The following DCLK1 variants were observed in gnomAD, a reference collection of about 807,000 sequenced individuals.
DCLK1 encodes the protein doublecortin like kinase 1, also known as serine/threonine-protein kinase DCLK1.
In DCLK1, 16 loss-of-function variants were observed where a neutral mutation model predicts 86.2. The observed-to-expected ratio is 0.19, with a 90% confidence interval of 0.13 to 0.28. DCLK1 has a LOEUF of 0.28. DCLK1 is among the 10% of genes least tolerant of loss of function. The pLI is 1.00. For synonymous variants in DCLK1, 369 were observed against 370.5 expected (o/e 1.00, Z 0.05); for missense variants, 590 against 940.2 (o/e 0.63, Z 4.87).
At chr13:35,861,199 A>C (rs943655864) in intron 5 of DCLK1, among the ~76,000 whole-genome samples, 5 of 152,202 alleles carry the variant, frequency 3.3e-5, no homozygotes, top group Non-Finnish European at 7.3e-5. Flanking sequence ...GAGTGTGGAC[A>C]GGGTGGAGAG....
intron 3 of DCLK1, among the ~76,000 whole-genome samples, chr13:35,956,327 C>T (rs1877972967): frequency 6.6e-6 from 1 of 152,120 alleles, no homozygotes; most frequent in Admixed American, 6.6e-5. Context: ...AACTTATATT[C>T]TATTGCTGAG....
intron 6 of DCLK1, among the ~76,000 whole-genome samples, chr13:35,844,811 C>T (rs987768698): frequency 5.9e-5 from 9 of 152,096 alleles, no homozygotes; most frequent in Admixed American, 2.0e-4. Context: ...TTATATTTTG[C>T]TGTGATCATT....
Position 36,131,373 on chromosome 13 carries a change from G to GGGCGGCGGCGGCGGC in DCLK1, c.-280_-279insGCCGCCGCCGCCGCC. The GGGCGGCGGCGGCGGC allele has an allele frequency of 5.1e-6, 1 of 195,008 alleles. No homozygotes were observed. The highest frequency in any genetic ancestry group is 1.0e-5 in the Non-Finnish European group (1 of 98,766). 12.1% of individuals were successfully genotyped at this position (195,008 alleles called of 1,614,324 possible). A position where few individuals can be genotyped will look rare whatever the true frequency, so the allele number is the denominator to read the frequency against. ...CACTCCAGCCTCTCTCTCCAGAGGA[G>GGGCGGCGGCGGCGGC]GGCGGCGGCGGCGGCGGCGGCGGGC... On this transcript the variant is annotated 5_prime_UTR_variant, in exon 1 of 17. Transcript: ENST00000360631.
At chr13:35,819,457 T>C (rs1447972900) in intron 11 of DCLK1, among the ~76,000 whole-genome samples, 1 of 152,198 alleles carries the variant, frequency 6.6e-6, no homozygotes, top group Non-Finnish European at 1.5e-5. Context: ...CTGTGTACAA[T>C]GAAATCTATA....
chr13:36,035,495 T>G (rs74938936), intron 3 of DCLK1, among the ~76,000 whole-genome samples: 5,582 of 152,252 alleles, frequency 0.037, 145 homozygotes, highest in African/African-American at 0.08. Context: ...TCCAAATAAT[T>G]TAAAGCTTGA....
intron 3 of DCLK1, among the ~76,000 whole-genome samples, chr13:35,954,758 A>T (rs900243967): frequency 6.6e-6 from 1 of 152,116 alleles, no homozygotes; most frequent in African/African-American, 2.4e-5. Context: ...TAGTTAAATA[A>T]TAATAATTAA....
In DCLK1 at chr13:35,979,786, C is replaced by T. The variant is rs186313473; in HGVS notation, c.724-32329G>A. Among the ~76,000 whole-genome samples the T allele has an allele frequency of 4.6e-5, 7 of 152,238 alleles. No homozygotes were observed. The East Asian group carries it at 7.7e-4, about 17-fold the overall frequency. ...AAGGGCTGAAAATGACCTTTGTCTC[C>T]GCAAAGGCAACCACATGCAGGCGGC... On this transcript the variant is annotated intron_variant, in intron 3 of 16. Transcript: ENST00000360631.
chr13:35,947,018 TG>T (rs1455117620), intron 4 of DCLK1, among the ~76,000 whole-genome samples: 1 of 152,110 alleles, frequency 6.6e-6, no homozygotes, highest in Admixed American at 6.6e-5. Flanking sequence ...AATTATTTTA[TG>T]ATGACAAATC....
chr13:35,786,147 G>C (rs1221046757), intron 16 of DCLK1, among the ~76,000 whole-genome samples: 3 of 152,184 alleles, frequency 2.0e-5, no homozygotes, highest in Non-Finnish European at 4.4e-5. Flanking sequence ...TAGGATTTTA[G>C]TTAAATGGCC....
At chr13:35,787,919 C>T in intron 16 of DCLK1, 1 of 384,790 alleles carries the variant, frequency 2.6e-6, no homozygotes, top group Non-Finnish European at 4.9e-6. Flanking sequence ...TTAGCAACGT[C>T]AGGAAAATGC....
Position 35,779,698 on chromosome 13 carries a change from A to T in DCLK1, c.2059-4999T>A, listed in dbSNP as rs192359307. Among the ~76,000 whole-genome samples the T allele has an allele frequency of 4.1e-3, 624 of 152,342 alleles. 2 individuals carry two copies. Among genetic ancestry groups the T allele is most frequent in the African/African-American group, 0.014 (602 of 41,570 alleles). On this transcript the variant is annotated intron_variant, in intron 16 of 16. Coordinates refer to ENST00000360631, the MANE Select transcript of DCLK1 (RefSeq NM_001330071.2). ...ATGACCAAATTCTTATGTCAGATAA[A>T]GTTAAAATTCTCTTATGAATTCACT...
chr13:35,827,604 T>C lies in DCLK1; in HGVS notation c.1407+31A>G, dbSNP rs756964485. The C allele has an allele frequency of 2.5e-6, 4 of 1,612,714 alleles. No homozygotes were observed. The African/African-American group carries it at 5.3e-5, about 22-fold the overall frequency. ...ATATAGGCAAGTGCGGTGCCATCAA[T>C]AAAGACTTACTTTCTTTCCAAAATA... On this transcript the variant is annotated intron_variant, in intron 10 of 16. Coordinates refer to ENST00000360631, the MANE Select transcript of DCLK1 (RefSeq NM_001330071.2).
intron 2 of DCLK1, among the ~76,000 whole-genome samples, chr13:36,114,283 C>T (rs772858274): frequency 6.6e-5 from 10 of 152,124 alleles, no homozygotes; most frequent in African/African-American, 2.4e-4. Flanking sequence ...ACTGAGAAGG[C>T]GTTGCTGGTT....
At chr13:36,022,860 TCC>T (rs548652860) in intron 3 of DCLK1, among the ~76,000 whole-genome samples, 129 of 152,228 alleles carry the variant, frequency 8.5e-4, no homozygotes, top group African/African-American at 2.8e-3. Context: ...TATAAACTCT[TCC>T]AAAAAAGAGG....
chr13:35,828,084 T>G (rs1868631794), intron 9 of DCLK1, among the ~76,000 whole-genome samples, 166 bp downstream of exon 9: 1 of 152,174 alleles, frequency 6.6e-6, no homozygotes, highest in Non-Finnish European at 1.5e-5. Flanking sequence ...TCCAAATAAC[T>G]TTTATCCCAG....
At chr13:36,070,935 G>A (rs968276066) in intron 3 of DCLK1, among the ~76,000 whole-genome samples, 2 of 152,018 alleles carry the variant, frequency 1.3e-5, no homozygotes, top group Non-Finnish European at 2.9e-5. Context: ...GTGAGCCACC[G>A]CGCCCGGCCC....
chr13:36,108,407 A>G (rs1885481918), intron 3 of DCLK1, among the ~76,000 whole-genome samples: 1 of 152,212 alleles, frequency 6.6e-6, no homozygotes, highest in Admixed American at 6.5e-5. Flanking sequence ...AAACATCAAA[A>G]AAAGTACTGT....
At chr13:35,999,690 T>C (rs753014763) in intron 3 of DCLK1, among the ~76,000 whole-genome samples, 4 of 152,292 alleles carry the variant, frequency 2.6e-5, no homozygotes, top group African/African-American at 4.8e-5. Flanking sequence ...AATTTAAAAA[T>C]AGCAATATTA....
intron 3 of DCLK1, among the ~76,000 whole-genome samples, chr13:36,004,981 A>G (rs1184621281): frequency 6.6e-6 from 1 of 152,222 alleles, no homozygotes; most frequent in Non-Finnish European, 1.5e-5. Context: ...CTAAGTATTA[A>G]TATATTTACA....
Sources: allele counts gnomAD v4.1 joint callset (sites outside exome capture counted in the v4.1 genomes callset), GRCh38; gene constraint gnomAD v4.1.1; transcripts MANE v1.5; gene names NCBI Gene and HGNC (gene_info 2026-07-23, HGNC 2026-07-21).